Variants in PDE8B observed in about 807,000 individuals in gnomAD.
PDE8B encodes phosphodiesterase 8B, also known as high affinity cAMP-specific and IBMX-insensitive 3',5'-cyclic phosphodiesterase 8B.
A neutral mutation model predicts 101.3 loss-of-function variants in PDE8B; 26 were observed. The observed-to-expected ratio is 0.26, with a 90% CI of 0.19 to 0.36. The LOEUF (loss-of-function observed/expected upper bound fraction) is 0.36. Among genes scored for constraint, PDE8B ranks in the 10% least tolerant of loss-of-function variants. PDE8B has a pLI of 1.00. For missense variants in PDE8B, 810 were observed against 1,163.1 expected, an observed-to-expected ratio of 0.70 and a Z score of 4.42; for synonymous variants, 424 against 429.3, an observed-to-expected ratio of 0.99 and a Z score of 0.15.
chr5:77,411,992 C>A, intron 15 of PDE8B, 108 bp from the exon 16 acceptor site: 1 of 1,124,158 alleles, frequency 8.9e-7, no homozygotes, highest in Non-Finnish European at 1.3e-6. Context: ...ACAGAAAAAT[C>A]AGGTACAAGA....
At chr5:77,373,870 A>C (rs554207135) in intron 10 of PDE8B, among the ~76,000 whole-genome samples, 1 of 151,908 alleles carries the variant, frequency 6.6e-6, no homozygotes, top group Non-Finnish European at 1.5e-5. Flanking sequence ...TTTTTTTGAG[A>C]CGGAGTTTTG....
At chr5:77,317,179 G>A (rs770096956) in intron 2 of PDE8B, among the ~76,000 whole-genome samples, 19 of 152,038 alleles carry the variant, frequency 1.2e-4, no homozygotes, top group Non-Finnish European at 2.2e-4. Flanking sequence ...TCAGTGTATT[G>A]ACATCTAGTG....
the PDE8B span, among the ~76,000 whole-genome samples, chr5:77,096,141 T>G: frequency 6.6e-6 from 1 of 152,080 alleles, no homozygotes; most frequent in Non-Finnish European, 1.5e-5. Context: ...AGGCGCACGC[T>G]ACCACACCCA....
chr5:77,165,225 G>T, the PDE8B span: 4 of 152,076 alleles, frequency 2.6e-5, no homozygotes, highest in African/African-American at 7.2e-5. Context: ...AAATAATTAG[G>T]AAGTGATGGG....
intron 10 of PDE8B, among the ~76,000 whole-genome samples, chr5:77,372,225 C>CAAA (rs1045003221): frequency 1.3e-5 from 2 of 152,038 alleles, no homozygotes; most frequent in African/African-American, 4.8e-5. Flanking sequence ...ACAACAACAA[C>CAAA]AACAAATTGA....
chr5:77,321,531 CAG>C (rs1291827559), intron 2 of PDE8B, among the ~76,000 whole-genome samples: 9 of 152,146 alleles, frequency 5.9e-5, no homozygotes, highest in Non-Finnish European at 1.2e-4. Context: ...TTCCCAGAAA[CAG>C]AATATCATTA....
At chr5:77,109,940 T>TG in the PDE8B span, among the ~76,000 whole-genome samples, 1 of 116,574 alleles carries the variant, frequency 8.6e-6, no homozygotes, top group Non-Finnish European at 1.7e-5. Flanking sequence ...TTTTTTTTTT[T>TG]TTTTTTTTTT....
chr5:77,110,135 A>G, the PDE8B span, among the ~76,000 whole-genome samples: 5 of 151,850 alleles, frequency 3.3e-5, no homozygotes, highest in African/African-American at 1.2e-4. Flanking sequence ...TTAAGTAGAT[A>G]TGGGGTTTTA....
the PDE8B span, chr5:77,088,888 G>A: frequency 6.6e-6 from 1 of 152,138 alleles, no homozygotes; most frequent in East Asian, 1.9e-4. Flanking sequence ...GCCAGGGAAC[G>A]GCCTTATTCT....
At chr5:77,148,383 G>A in the PDE8B span, 1 of 152,000 alleles carries the variant, frequency 6.6e-6, no homozygotes, top group South Asian at 2.1e-4. Context: ...CTTTCTCTTG[G>A]GTAGGTTCCT....
intron 10 of PDE8B, among the ~76,000 whole-genome samples, chr5:77,366,436 T>C (rs1326003983): frequency 6.6e-6 from 1 of 152,002 alleles, no homozygotes; most frequent in Non-Finnish European, 1.5e-5. Flanking sequence ...CACCATGGGG[T>C]GAGAGTCCAG....
At chr5:77,244,545 C>A (rs1329924726) in intron 1 of PDE8B, among the ~76,000 whole-genome samples, 1 of 151,768 alleles carries the variant, frequency 6.6e-6, no homozygotes, top group Non-Finnish European at 1.5e-5. Context: ...GCCCAGCAGG[C>A]CTCAGTATAT....
At chr5:77,225,884 C>CT (rs1752283044) in intron 1 of PDE8B, among the ~76,000 whole-genome samples, 1 of 99,510 alleles carries the variant, frequency 1.0e-5, no homozygotes, top group Non-Finnish European at 2.0e-5. Context: ...ACACACACCC[C>CT]ACGCACACAT....
intron 6 of PDE8B, 43 bp from the exon 7 acceptor site, chr5:77,344,810 G>C (rs764549196): frequency 1.2e-5 from 14 of 1,200,426 alleles, no homozygotes; most frequent in Non-Finnish European, 1.7e-5. Flanking sequence ...AAATGTGAAT[G>C]GTTTTCATAG....
chr5:77,216,317 A>G (rs1749695550), intron 1 of PDE8B, among the ~76,000 whole-genome samples: 1 of 152,218 alleles, frequency 6.6e-6, no homozygotes, highest in Non-Finnish European at 1.5e-5. Flanking sequence ...TAATTTAGAA[A>G]GAAAAAGAGA....
At chr5:77,249,028 G>C (rs1362857607) in intron 1 of PDE8B, among the ~76,000 whole-genome samples, 3 of 152,166 alleles carry the variant, frequency 2.0e-5, no homozygotes, top group African/African-American at 7.2e-5. Context: ...ATAAATTTCT[G>C]TTGTTTAAGG....
intron 1 of PDE8B, among the ~76,000 whole-genome samples, chr5:77,281,631 C>T (rs1268762609): frequency 6.6e-6 from 1 of 152,166 alleles, no homozygotes; most frequent in Non-Finnish European, 1.5e-5. Context: ...TATGAGAACA[C>T]TTTTGATTAG....
the PDE8B span, among the ~76,000 whole-genome samples, chr5:77,194,529 A>G: frequency 6.6e-6 from 1 of 152,136 alleles, no homozygotes. Flanking sequence ...CATCACCCCT[A>G]TCAAGTTCCG....
chr5:77,294,308 G>T (rs928240326), intron 1 of PDE8B, among the ~76,000 whole-genome samples: 1 of 152,158 alleles, frequency 6.6e-6, no homozygotes, highest in Non-Finnish European at 1.5e-5. Context: ...ACAGACTTCT[G>T]GGGATCCCAG....
Sources: allele counts gnomAD v4.1 joint callset (sites outside exome capture counted in the v4.1 genomes callset), GRCh38; gene constraint gnomAD v4.1.1; transcripts MANE v1.5; gene names NCBI Gene and HGNC (gene_info 2026-07-23, HGNC 2026-07-21).